RAB43: variants seen among roughly 807,000 people sequenced by gnomAD.
RAB43 encodes the protein RAB43, member RAS oncogene family, also known as ras-related protein Rab-43.
RAB43 carries 6 observed loss-of-function variants against 18.8 expected under a neutral mutation model. That is an observed-to-expected ratio of 0.32 (90% CI 0.17 to 0.63). RAB43 has a LOEUF of 0.63. Ranked by LOEUF, RAB43 falls within the 30% of genes least tolerant of loss-of-function variation. The pLI, the probability that RAB43 is intolerant of heterozygous loss-of-function variation, is 0.79. For missense variants in RAB43, 195 were observed against 289.1 expected, an observed-to-expected ratio of 0.67 and a Z score of 2.36; for synonymous variants, 103 against 124.1, an observed-to-expected ratio of 0.83 and a Z score of 1.13.
At position 129,107,212 on chromosome 3, in the gene RAB43, C is replaced by G. The variant is rs1423929607; in HGVS notation, c.205-12043G>C. Among the ~76,000 whole-genome samples the G allele has an allele frequency of 3.3e-5, 5 of 152,222 alleles. No homozygotes were observed. Among genetic ancestry groups the G allele is most frequent in the Admixed American group, 6.5e-5 (1 of 15,290 alleles). ...AGCAGAGGTCTGTCTGACTCCGAAG[C>G]CTGGTGTCCTTTACCATGGACGCGG... On this transcript the variant is annotated intron_variant, in intron 1 of 2. Coordinates refer to ENST00000315150, the MANE Select transcript of RAB43 (RefSeq NM_198490.3). This position sits in a 1 kb window ranked among gnomAD's most constrained non-coding sequence, Gnocchi z 4.2.
chr3:129,102,754 C>T (rs1258927710), intron 1 of RAB43, among the ~76,000 whole-genome samples: 7 of 152,040 alleles, frequency 4.6e-5, no homozygotes, highest in African/African-American at 9.7e-5. Context: ...AAAGAGGAGG[C>T]GGAAGCCAAG....
Position 129,121,621 on chromosome 3 carries a change from A to AC in RAB43, c.-133dup. 1.6e-6 allele frequency: 1 copy of AC among 633,366 alleles called. No homozygotes were observed. Among genetic ancestry groups the AC allele is most frequent in the Non-Finnish European group, 2.5e-6 (1 of 407,332 alleles). 39.2% of individuals were successfully genotyped at this position (633,366 alleles called of 1,614,324 possible). ...TACGTGGAGCCGCCGCAACACCTGA[A>AC]CCCCCAGCACTGCCGACCGCCTGCC... is the stretch of plus-strand genomic sequence containing the variant. On this transcript the variant is annotated 5_prime_UTR_variant, in exon 1 of 3. Transcript: ENST00000315150.
In RAB43 at chr3:129,107,921, C is replaced by T. The variant is rs1388233855; in HGVS notation, c.205-12752G>A. Among the ~76,000 whole-genome samples the T allele has an allele frequency of 1.3e-5, 2 of 152,216 alleles. No individual in the cohort carries two copies. Among genetic ancestry groups the T allele is most frequent in the African/African-American group, 4.8e-5 (2 of 41,456 alleles). Reference sequence around the variant, plus strand: ...CCTCTTCAACTCTCTAGAGCAAACCCTCCTCCCCGGGCTCCCAGGCACAGC... The same window carrying T: ...CCTCTTCAACTCTCTAGAGCAAACCTTCCTCCCCGGGCTCCCAGGCACAGC... On this transcript the variant is annotated intron_variant, in intron 1 of 2. Coordinates refer to ENST00000315150, the MANE Select transcript of RAB43 (RefSeq NM_198490.3). This position sits in a 1 kb window ranked among gnomAD's most constrained non-coding sequence, Gnocchi z 4.2.
intron 2 of RAB43, among the ~76,000 whole-genome samples, chr3:129,094,708 G>A (rs373759934): frequency 2.6e-5 from 4 of 151,448 alleles, no homozygotes; most frequent in East Asian, 3.9e-4. Context: ...TAGTAGAGAC[G>A]AGGTTTCACT....
At chr3:129,119,504 G>A (rs1439494317) in intron 1 of RAB43, among the ~76,000 whole-genome samples, 1 of 152,200 alleles carries the variant, frequency 6.6e-6, no homozygotes, top group Non-Finnish European at 1.5e-5. Context: ...CATCCTGTGT[G>A]AGCGGGGGTA....
In RAB43 at chr3:129,095,358, C is replaced by T. The variant is rs1933971330; in HGVS notation, c.205-189G>A. ...GGGAAGCAAAGGGAAGGTGAGCAGC[C>T]CCTGTCCTGGCCCTCTAGGGTCCCC... On this transcript the variant is annotated intron_variant, in intron 1 of 2. Transcript: ENST00000315150. The surrounding 1 kb of genome is among the most constrained non-coding windows in gnomAD (Gnocchi z 4.2). Among the ~76,000 whole-genome samples, 1 of 152,152 alleles carries T rather than the reference C, an allele frequency of 6.6e-6. No homozygotes were observed. The highest frequency in any genetic ancestry group is 2.4e-5 in the African/African-American group (1 of 41,420).
At chr3:129,091,378 A>G (rs750288722) in intron 2 of RAB43, 32 bp from the exon 3 acceptor site, 1 of 1,593,426 alleles carries the variant, frequency 6.3e-7, no homozygotes, top group Non-Finnish European at 8.6e-7. Context: ...GCATGAGGCC[A>G]TGGGGGCTGG....
intron 1 of RAB43, among the ~76,000 whole-genome samples, chr3:129,096,562 C>G (rs1054722761): frequency 6.6e-5 from 10 of 152,174 alleles, no homozygotes; most frequent in Non-Finnish European, 1.5e-4. Flanking sequence ...GGCCAAACAA[C>G]AGCAAAAACA....
intron 1 of RAB43, among the ~76,000 whole-genome samples, chr3:129,109,158 C>T (rs1450813018): frequency 2.0e-5 from 3 of 152,032 alleles, no homozygotes. Context: ...CACCTGTAAT[C>T]CCAACACTTT....
intron 1 of RAB43, among the ~76,000 whole-genome samples, chr3:129,098,845 G>A (rs998499095): frequency 6.6e-6 from 1 of 152,124 alleles, no homozygotes; most frequent in African/African-American, 2.4e-5. Context: ...GGCCAAGGCA[G>A]GTGGATCACT....
chr3:129,090,963 T>C lies in RAB43; in HGVS notation c.*133A>G. ...TCCATCCCGCAGCCAGGCCACAGGATGCAGAGCTCCAGAGCTTCACCCGGC... is the reference window on the plus strand; with the variant it reads ...TCCATCCCGCAGCCAGGCCACAGGACGCAGAGCTCCAGAGCTTCACCCGGC... On this transcript the variant is annotated 3_prime_UTR_variant, in exon 3 of 3. Transcript: ENST00000315150. 3.4e-6 allele frequency: 2 copies of C among 596,680 alleles called. No individual in the cohort carries two copies. Among genetic ancestry groups the C allele is most frequent in the Admixed American group, 3.0e-5 (1 of 33,094 alleles). 37.0% of individuals were successfully genotyped at this position (596,680 alleles called of 1,614,324 possible). A position where few individuals can be genotyped will look rare whatever the true frequency, so the allele number is the denominator to read the frequency against.
At position 129,091,326 on chromosome 3, in the gene RAB43, C is replaced by T. The variant is rs61758772; in HGVS notation, c.409G>A (p.Glu137Lys). 4.7e-4 allele frequency: 748 copies of T among 1,605,064 alleles called. 1 individual carries two copies. The African/African-American group carries it at 8.8e-3, about 19-fold the overall frequency. The change falls in exon 3 of 3, where the codon GAG becomes AAG. Residue 137 changes from glutamate to lysine, a missense_variant. Transcript: ENST00000315150. ...LLIGNKSDLS[E>K]LREVSLAEAQ... The stretch of plus-strand genomic sequence containing the variant: ...TCAGCCAAGGAGACCTCCCGAAGCT[C>T]GCTGAGGTCTGACTTGTTCCCTGCG...
chr3:129,111,511 A>C (rs1346831773), intron 1 of RAB43, among the ~76,000 whole-genome samples: 8 of 3,878 alleles, frequency 2.1e-3, no homozygotes, highest in African/African-American at 3.3e-3. Context: ...CTCTGTCTCA[A>C]AAAAAAAAAA....
rs768846068 is a variant in RAB43, at chr3:129,091,365, G to GC, written c.389-20dup. ...TTGTTCCCTGCGGAGGAAAGCCGGGGCAGCATGAGGCCATGGGGGCTGGGC... is the reference window on the plus strand; with the variant it reads ...TTGTTCCCTGCGGAGGAAAGCCGGGGCCAGCATGAGGCCATGGGGGCTGGGC... On this transcript the variant is annotated intron_variant, in intron 2 of 2. Transcript: ENST00000315150. The GC allele has an allele frequency of 6.2e-7, 1 of 1,601,662 alleles. No homozygotes were observed. The highest frequency in any genetic ancestry group is 1.1e-5 in the South Asian group (1 of 89,386).
In RAB43 at chr3:129,121,465, C is replaced by A. The variant is rs1338177370; in HGVS notation, c.25G>T (p.Gly9Trp). The change falls in exon 1 of 3, where the codon GGG (glycine) becomes TGG (tryptophan). Residue 9 changes from glycine (G) to tryptophan (W), a missense_variant. Gly to Trp is a radical substitution (Grantham distance 184). Transcript: ENST00000315150. MAGPGPGP[G>W]DPDEQYDFLF... ...AAATCGTACTGCTCGTCCGGGTCCC[C>A]CGGGCCTGGGCCCGGCCCTGCCATG... 2 of 1,612,152 alleles carry A rather than the reference C, an allele frequency of 1.2e-6. No individual in the cohort carries two copies. Among genetic ancestry groups the A allele is most frequent in the African/African-American group, 2.7e-5 (2 of 74,888 alleles).
At chr3:129,094,622 C>A (rs1366374268) in intron 2 of RAB43, among the ~76,000 whole-genome samples, 2 of 132,536 alleles carry the variant, frequency 1.5e-5, no homozygotes, top group Non-Finnish European at 3.1e-5. Context: ...TCATGCCATT[C>A]TCCTGCCTCA....
Position 129,121,550 on chromosome 3 carries a change from A to G in RAB43, c.-61T>C. On this transcript the variant is annotated 5_prime_UTR_variant, in exon 1 of 3. Coordinates refer to ENST00000315150, the MANE Select transcript of RAB43 (RefSeq NM_198490.3). Reference sequence around the variant, plus strand: ...GCTGGGACCGGCCTGAGCTCACGCAAGCCGCGGGCCGAGCTCCGCCCGCTC... The same window carrying G: ...GCTGGGACCGGCCTGAGCTCACGCAGGCCGCGGGCCGAGCTCCGCCCGCTC... 2 of 1,418,410 alleles carry G rather than the reference A, an allele frequency of 1.4e-6. No individual in the cohort carries two copies. Among genetic ancestry groups the G allele is most frequent in the Non-Finnish European group, 1.9e-6 (2 of 1,063,348 alleles). The allele number at this position is 1,418,410 out of a possible 1,614,324, so 87.9% of individuals were successfully genotyped here. A position where few individuals can be genotyped will look rare whatever the true frequency, so the allele number is the denominator to read the frequency against.
rs971748013 is a variant in RAB43 at position 129,115,499 on chromosome 3, CG to C, written c.204+5786del. ...AGCCTGGGCAACAAGAGCGAAACCC[CG>C]TCTCAAAAAATAAAATAAAAAATAA... On this transcript the variant is annotated intron_variant, in intron 1 of 2. Coordinates refer to ENST00000315150, the MANE Select transcript of RAB43 (RefSeq NM_198490.3). Among the ~76,000 whole-genome samples the C allele has an allele frequency of 4.5e-4, 67 of 150,280 alleles. 1 individual carries two copies. Among genetic ancestry groups the C allele is most frequent in the African/African-American group, 1.6e-3 (66 of 40,810 alleles).
At position 129,121,279 on chromosome 3, in the gene RAB43, C is replaced by A. The variant is rs1935913055; in HGVS notation, c.204+7G>T. 3.8e-6 allele frequency: 6 copies of A among 1,598,666 alleles called. No individual in the cohort carries two copies. The highest frequency in any genetic ancestry group is 5.1e-6 in the Non-Finnish European group (6 of 1,172,844). On this transcript the variant is annotated splice_region_variant and intron_variant, in intron 1 of 2. Transcript: ENST00000315150. Reference sequence around the variant, plus strand: ...GCGCCTTCCAGGGGCCCTGGCCGGCCTCCCACCTTGACCCGCTTGCCCTGG... The same window carrying A: ...GCGCCTTCCAGGGGCCCTGGCCGGCATCCCACCTTGACCCGCTTGCCCTGG...
Sources: gnomAD v4.1 joint callset for allele counts (sites outside exome capture counted in the v4.1 genomes callset) on GRCh38, gnomAD v4.1.1 for gene constraint, Gnocchi (gnomAD v3.1) non-coding constraint, MANE v1.5 for transcripts, NCBI Gene and HGNC (gene_info 2026-07-23, HGNC 2026-07-21) for gene names.